HEATR5A: variants seen among roughly 807,000 people sequenced by gnomAD.
HEATR5A encodes the protein HEAT repeat-containing protein 5A.
HEATR5A carries 178 observed loss-of-function variants against 218.8 expected under a neutral mutation model. That is an observed-to-expected ratio of 0.81 (90% CI 0.72 to 0.92). The LOEUF (loss-of-function observed/expected upper bound fraction) is 0.92, where lower values mean the gene tolerates loss of function less well. Ranked by LOEUF, HEATR5A falls within the 40% of genes least tolerant of loss-of-function variation. The pLI is 0.00. For missense variants in HEATR5A, 2,420 were observed against 2,418.9 expected (o/e 1.00, Z -0.01); for synonymous variants, 864 against 871.6 (o/e 0.99, Z 0.15).
rs759856750 is a variant in HEATR5A at position 31,387,284 on chromosome 14, G to A, written c.1025C>T (p.Pro342Leu). 21 of 1,613,780 alleles carry A rather than the reference G, an allele frequency of 1.3e-5. No individual in the cohort carries two copies. Among genetic ancestry groups the A allele is most frequent in the Admixed American group, 3.3e-5 (2 of 59,988 alleles). ...FFSHILSLAS[P>L]SHPKATQTQI... ...AGTTTGGGTGGCTTTAGGGTGTGAC[G>A]GTGACGCAAGGCTTAGGATATGAGA... is the stretch of plus-strand genomic sequence containing the variant. Residue 342 changes from proline to leucine, a missense_variant, in exon 8 of 36, where the codon CCG becomes CTG. By Grantham distance (98) the Pro-to-Leu change is moderately conservative. Coordinates refer to ENST00000543095, the MANE Select transcript of HEATR5A (RefSeq NM_015473.4).
Position 31,375,277 on chromosome 14 carries a change from T to C in HEATR5A, c.1709-309A>G, listed in dbSNP as rs1392651709. 2.0e-5 allele frequency among the ~76,000 whole-genome samples: 3 copies of C among 152,326 alleles called. No homozygotes were observed. The South Asian group carries it at 6.2e-4, about 32-fold the overall frequency. On this transcript the variant is annotated intron_variant, in intron 11 of 35. Transcript: ENST00000543095. The stretch of plus-strand genomic sequence containing the variant: ...TAAATGAAGCTAAAGCCCCCTGTAA[T>C]GCTTGTCTTTAAGGGCTTGTCAGGT...
chr14:31,340,375 A>G (rs1169101290), intron 21 of HEATR5A: 3 of 941,162 alleles, frequency 3.2e-6, no homozygotes, highest in Admixed American at 2.5e-5. Flanking sequence ...ACAAACATCT[A>G]CAACCAAAAA....
intron 19 of HEATR5A, 75 bp downstream of exon 19, chr14:31,347,673 A>G (rs191208370): frequency 9.5e-7 from 1 of 1,053,036 alleles, no homozygotes; most frequent in South Asian, 3.7e-5. Flanking sequence ...ATAAATTATT[A>G]ATGTTCAATA....
chr14:31,376,313 T>TGA (rs1902226083), intron 11 of HEATR5A, among the ~76,000 whole-genome samples: 1 of 152,084 alleles, frequency 6.6e-6, no homozygotes, highest in Non-Finnish European at 1.5e-5. Flanking sequence ...GCCAGGCATT[T>TGA]GAGACCAGCC....
intron 33 of HEATR5A, among the ~76,000 whole-genome samples, chr14:31,300,728 CTG>C (rs768121868): frequency 3.3e-5 from 5 of 152,206 alleles, no homozygotes; most frequent in Non-Finnish European, 2.9e-5. Context: ...TGTTGGGAAA[CTG>C]TCACAGTTTG....
intron 11 of HEATR5A, among the ~76,000 whole-genome samples, chr14:31,378,413 T>C (rs1230442904): frequency 3.3e-5 from 5 of 152,234 alleles, no homozygotes; most frequent in Admixed American, 2.0e-4. Flanking sequence ...ACAGGCTGTA[T>C]AATAAATATT....
chr14:31,369,201 G>A (rs1044174371), intron 13 of HEATR5A, among the ~76,000 whole-genome samples: 2 of 150,388 alleles, frequency 1.3e-5, no homozygotes, highest in African/African-American at 5.0e-5. Context: ...GGAGGCTTAC[G>A]TGGGAGGATC....
rs1233083518 is a variant in HEATR5A at position 31,402,904 on chromosome 14, C to T, written c.72G>A (p.Glu24=). Residue 24 remains glutamate (E), a synonymous_variant, in exon 2 of 36, where the codon GAG becomes GAA. Transcript: ENST00000543095. The part of the protein sequence containing the change: ...YNQLGEVQKA[E]FIFEWLRYLE... ...AGTATCTCAACCACTCAAAAATAAACTCTGCCTTCTGAACTTCACCTAGTT... is the reference window on the plus strand; with the variant it reads ...AGTATCTCAACCACTCAAAAATAAATTCTGCCTTCTGAACTTCACCTAGTT... 2.6e-6 allele frequency: 4 copies of T among 1,536,368 alleles called. No homozygotes were observed. In the African/African-American group the frequency reaches 4.1e-5, roughly 16 times the overall value.
At chr14:31,348,013 G>C in intron 18 of HEATR5A, 106 bp from the exon 19 acceptor site, 1 of 593,740 alleles carries the variant, frequency 1.7e-6, no homozygotes, top group Non-Finnish European at 2.6e-6. Flanking sequence ...TATATGGATA[G>C]TTGCAAAATT....
rs76183147 is a variant in HEATR5A at position 31,398,276 on chromosome 14, C to G, written c.447+397G>C. 9.8e-3 allele frequency among the ~76,000 whole-genome samples: 1,488 copies of G among 152,282 alleles called. 24 individuals are homozygous for G. The highest frequency in any genetic ancestry group is 0.034 in the African/African-American group (1,408 of 41,550). On this transcript the variant is annotated intron_variant, in intron 4 of 35. Coordinates refer to ENST00000543095, the MANE Select transcript of HEATR5A (RefSeq NM_015473.4). ...TTATATTCCTTACTACCTTCTGATG[C>G]TAGTACAGTAACTCATCTATCCATA...
At chr14:31,391,175 T>G (rs1435598181) in intron 6 of HEATR5A, among the ~76,000 whole-genome samples, 1 of 152,214 alleles carries the variant, frequency 6.6e-6, no homozygotes, top group Non-Finnish European at 1.5e-5. Flanking sequence ...TTACTATTAT[T>G]TCTAGAGCAG....
intron 12 of HEATR5A, among the ~76,000 whole-genome samples, chr14:31,373,098 T>A (rs1207661866): frequency 6.6e-6 from 1 of 152,046 alleles, no homozygotes; most frequent in Non-Finnish European, 1.5e-5. Context: ...ATTTTTGTAT[T>A]TTTTGTAGAG....
chr14:31,293,603 A>G lies in HEATR5A; in HGVS notation c.5843T>C (p.Leu1948Pro). The stretch of plus-strand genomic sequence containing the variant: ...GAGGATGGGCAAAAGACAGGCCACC[A>G]GCTGAGCGCCTAGAAAGTAAACAAA... ...TVAEEHHRAQ[L>P]VACLLPILIS... The change falls in exon 36 of 36, where the codon CTG becomes CCG. Residue 1948 changes from leucine (L) to proline (P), a missense_variant. Transcript: ENST00000543095. The G allele has an allele frequency of 6.2e-7, 1 of 1,602,646 alleles. No homozygotes were observed. The highest frequency in any genetic ancestry group is 8.5e-7 in the Non-Finnish European group (1 of 1,176,518).
chr14:31,328,197 C>A (rs904183906), intron 22 of HEATR5A, among the ~76,000 whole-genome samples: 1 of 151,962 alleles, frequency 6.6e-6, no homozygotes, highest in Non-Finnish European at 1.5e-5. Context: ...CAGATCCACC[C>A]GCCTCAGCCT....
At chr14:31,328,359 T>C (rs1057469800) in intron 22 of HEATR5A, among the ~76,000 whole-genome samples, 4 of 152,108 alleles carry the variant, frequency 2.6e-5, no homozygotes, top group Non-Finnish European at 5.9e-5. Context: ...TCTAACAAGA[T>C]ATAATAGCTA....
At chr14:31,343,862 G>T in intron 21 of HEATR5A, 34 bp downstream of exon 21, 1 of 1,487,346 alleles carries the variant, frequency 6.7e-7, no homozygotes, top group Non-Finnish European at 9.0e-7. Context: ...TCAAATAAAA[G>T]AAACTAAGAG....
intron 1 of HEATR5A, among the ~76,000 whole-genome samples, chr14:31,413,337 GT>G (rs1241814331): frequency 6.6e-6 from 1 of 151,186 alleles, no homozygotes; most frequent in Non-Finnish European, 1.5e-5. Context: ...TTTATAAGAA[GT>G]GGGGTGAAAA....
chr14:31,418,748 T>C (rs1014765894), intron 1 of HEATR5A, among the ~76,000 whole-genome samples: 1 of 152,328 alleles, frequency 6.6e-6, no homozygotes. Flanking sequence ...CAAGACTCAA[T>C]AGAGCTTTTT....
In HEATR5A at chr14:31,359,039, A is replaced by G. The variant is rs771485266; in HGVS notation, c.2090T>C (p.Leu697Pro). 47 of 1,591,464 alleles carry G rather than the reference A, an allele frequency of 3.0e-5. 2 individuals carry two copies. In the South Asian group the frequency reaches 5.0e-4, roughly 17 times the overall value. ...ETYEGNLCAI[L>P]RELAADLTAP... is the part of the protein sequence containing the mutation. ...AGTCAAGTCAGCAGCCAGCTCTCTG[A>G]GGATAGCACAGAGGTTTCCTGTTGA... The change falls in exon 15 of 36, where the codon CTC becomes CCC. Residue 697 changes from leucine to proline, a missense_variant. Coordinates refer to ENST00000543095, the MANE Select transcript of HEATR5A (RefSeq NM_015473.4).
Sources: gnomAD v4.1 joint callset for allele counts (sites outside exome capture counted in the v4.1 genomes callset) on GRCh38, gnomAD v4.1.1 for gene constraint, MANE v1.5 for transcripts, NCBI Gene and HGNC (gene_info 2026-07-23, HGNC 2026-07-21) for gene names.